Variants in MICU2 observed in about 807,000 individuals in gnomAD.
MICU2 encodes mitochondrial calcium uptake 2, also known as calcium uptake protein 2, mitochondrial.
MICU2 carries 64 observed loss-of-function variants against 60.4 expected under a neutral mutation model. That is an observed-to-expected ratio of 1.06 (90% CI 0.87 to 1.31). The LOEUF is 1.31. Ranked by LOEUF, MICU2 falls within the 50% of genes most tolerant of loss-of-function variation. MICU2 has a pLI of 0.00. For missense variants in MICU2, 569 were observed against 531.0 expected (o/e 1.07, Z -0.70); for synonymous variants, 201 against 175.0 (o/e 1.15, Z -1.17).
intron 1 of MICU2, among the ~76,000 whole-genome samples, chr13:21,587,059 A>T (rs1037464533): frequency 7.2e-5 from 11 of 152,226 alleles, no homozygotes; most frequent in African/African-American, 2.4e-4. Context: ...CTCCTCTCTC[A>T]GATGGGTTAA....
At chr13:21,571,516 T>C (rs1888108678) in intron 1 of MICU2, among the ~76,000 whole-genome samples, 1 of 152,100 alleles carries the variant, frequency 6.6e-6, no homozygotes, top group Non-Finnish European at 1.5e-5. Context: ...GCTAACACAG[T>C]GAAACCCCGT....
At chr13:21,555,205 G>C (rs1051986231) in intron 2 of MICU2, among the ~76,000 whole-genome samples, 2 of 152,166 alleles carry the variant, frequency 1.3e-5, no homozygotes, top group African/African-American at 4.8e-5. Flanking sequence ...AAGCCTGGCA[G>C]AGACACAACA....
intron 4 of MICU2, among the ~76,000 whole-genome samples, chr13:21,533,309 T>C (rs1246269855): frequency 6.6e-6 from 1 of 150,858 alleles, no homozygotes; most frequent in Non-Finnish European, 1.5e-5. Context: ...TTGTAATCAA[T>C]AGTAAGGCAG....
At chr13:21,532,262 T>C (rs1887020511) in intron 4 of MICU2, among the ~76,000 whole-genome samples, 1 of 152,220 alleles carries the variant, frequency 6.6e-6, no homozygotes, top group Admixed American at 6.5e-5. Context: ...CATTAACCCA[T>C]TTCATATAAT....
intron 1 of MICU2, among the ~76,000 whole-genome samples, chr13:21,567,728 C>CATTT (rs1566163844): frequency 6.6e-6 from 1 of 152,114 alleles, no homozygotes; most frequent in South Asian, 2.1e-4. Context: ...TTTTGTTGAG[C>CATTT]ATTTCTATGT....
At chr13:21,599,151 T>C (rs1300630991) in intron 1 of MICU2, among the ~76,000 whole-genome samples, 2 of 152,206 alleles carry the variant, frequency 1.3e-5, no homozygotes, top group Admixed American at 6.5e-5. Context: ...CTGTCTTCCA[T>C]GAAACTAGTC....
chr13:21,579,021 A>G (rs1888287371), intron 1 of MICU2, among the ~76,000 whole-genome samples: 1 of 152,198 alleles, frequency 6.6e-6, no homozygotes. Flanking sequence ...GCCTTATACC[A>G]TGGTTGATTA....
In MICU2 at chr13:21,566,937, A is replaced by G; in HGVS notation, c.218T>C (p.Val73Ala). The change falls in exon 2 of 12, where the codon GTT becomes GCT. Residue 73 changes from valine to alanine, a missense_variant. Coordinates refer to ENST00000382374, the MANE Select transcript of MICU2 (RefSeq NM_152726.3). ...GSFTVSAQKNVEHGIIYIGKP... is the reference protein window; with the variant it reads ...GSFTVSAQKNAEHGIIYIGKP... ...CCCAATATATATTATTCCATGTTCAACATTTTTCTAAAAGAAAAATAAATT... is the reference window on the plus strand; with the variant it reads ...CCCAATATATATTATTCCATGTTCAGCATTTTTCTAAAAGAAAAATAAATT... 6.3e-7 allele frequency: 1 copy of G among 1,593,604 alleles called. No individual in the cohort carries two copies. The highest frequency in any genetic ancestry group is 8.5e-7 in the Non-Finnish European group (1 of 1,173,754).
chr13:21,571,580 C>A (rs894977735), intron 1 of MICU2, among the ~76,000 whole-genome samples: 3 of 152,074 alleles, frequency 2.0e-5, no homozygotes, highest in Admixed American at 6.5e-5. Flanking sequence ...AGCCTGTAGT[C>A]GCAGCTACTC....
At chr13:21,522,735 T>A in intron 4 of MICU2, 85 bp from the exon 5 acceptor site, 1 of 1,013,790 alleles carries the variant, frequency 9.9e-7, no homozygotes, top group Non-Finnish European at 1.4e-6. Context: ...TTCACCTAAT[T>A]AAAAAACAAT....
intron 1 of MICU2, among the ~76,000 whole-genome samples, chr13:21,591,257 C>A (rs1888576877): frequency 6.6e-6 from 1 of 150,756 alleles, no homozygotes; most frequent in Non-Finnish European, 1.5e-5. Context: ...GACCTTAAAT[C>A]AACAAAGACA....
chr13:21,543,919 T>C (rs189299699), intron 2 of MICU2, among the ~76,000 whole-genome samples: 29 of 152,180 alleles, frequency 1.9e-4, no homozygotes, highest in African/African-American at 7.0e-4. Flanking sequence ...CCAAATATAC[T>C]ACAAAGCTGT....
intron 2 of MICU2, among the ~76,000 whole-genome samples, chr13:21,559,258 T>G (rs1887781526): frequency 1.3e-5 from 2 of 152,224 alleles, no homozygotes; most frequent in Admixed American, 6.5e-5. Flanking sequence ...TCACTTTTAC[T>G]CAGTAAAATT....
At chr13:21,495,582 C>A (rs186337011) in intron 10 of MICU2, 2 of 335,170 alleles carry the variant, frequency 6.0e-6, no homozygotes, top group East Asian at 5.5e-5. Flanking sequence ...GTCGCCCAGG[C>A]TGGAGTGCAA....
chr13:21,539,710 A>C, intron 2 of MICU2, 22 bp from the exon 3 acceptor site: 1 of 1,610,640 alleles, frequency 6.2e-7, no homozygotes, highest in Non-Finnish European at 8.5e-7. Flanking sequence ...AAGAAACATT[A>C]TTTAGTATCC....
chr13:21,561,966 G>T (rs1359124362), intron 2 of MICU2, among the ~76,000 whole-genome samples: 1 of 146,090 alleles, frequency 6.8e-6, no homozygotes, highest in African/African-American at 2.5e-5. Flanking sequence ...GCAGTGTTTG[G>T]TTTTTTGTCC....
At chr13:21,556,621 G>C (rs1887714486) in intron 2 of MICU2, among the ~76,000 whole-genome samples, 2 of 152,156 alleles carry the variant, frequency 1.3e-5, no homozygotes, top group Non-Finnish European at 2.9e-5. Flanking sequence ...CTAGAGAAGG[G>C]GGCGGAGGAA....
chr13:21,530,724 G>T, intron 4 of MICU2: 1 of 470,148 alleles, frequency 2.1e-6, no homozygotes, highest in Non-Finnish European at 3.8e-6. Flanking sequence ...GCACAAGGTG[G>T]CGAGCCCAGA....
chr13:21,514,027 A>G (rs1254568112), intron 7 of MICU2, among the ~76,000 whole-genome samples: 1 of 152,150 alleles, frequency 6.6e-6, no homozygotes, highest in Admixed American at 6.5e-5. Context: ...AGGAACATGT[A>G]AATATAGCAC....
Sources: allele counts gnomAD v4.1 joint callset (sites outside exome capture counted in the v4.1 genomes callset), GRCh38; gene constraint gnomAD v4.1.1; transcripts MANE v1.5; gene names NCBI Gene and HGNC (gene_info 2026-07-23, HGNC 2026-07-21).